Variants in CCSER1 observed in about 807,000 individuals in gnomAD.
CCSER1 encodes serine-rich coiled-coil domain-containing protein 1.
Under a neutral mutation model 82.0 loss-of-function variants are expected in CCSER1, and 41 were observed. That is an observed-to-expected ratio of 0.50 (90% CI 0.39 to 0.65). The LOEUF is 0.65. Ranked by LOEUF, CCSER1 falls within the 30% of genes least tolerant of loss-of-function variation. The pLI, the probability that CCSER1 is intolerant of heterozygous loss-of-function variation, is 0.00. For synonymous variants in CCSER1, 414 were observed against 383.9 expected, an observed-to-expected ratio of 1.08 and a Z score of -0.92; for missense variants, 1,119 against 1,064.2, an observed-to-expected ratio of 1.05 and a Z score of -0.72.
intron 1 of CCSER1, among the ~76,000 whole-genome samples, chr4:90,290,621 GTC>G (rs142052761): frequency 3.3e-5 from 5 of 151,264 alleles, no homozygotes; most frequent in Admixed American, 6.6e-5. Context: ...CGGTACAACT[GTC>G]TCTCTCTCTC....
intron 1 of CCSER1, among the ~76,000 whole-genome samples, chr4:90,190,147 C>T (rs1735357110): frequency 6.6e-6 from 1 of 151,978 alleles, no homozygotes; most frequent in African/African-American, 2.4e-5. Context: ...ACAGAAATGC[C>T]ATGTGACTTA....
At chr4:91,171,605 AT>A (rs902932846) in intron 10 of CCSER1, among the ~76,000 whole-genome samples, 4 of 152,172 alleles carry the variant, frequency 2.6e-5, no homozygotes, top group Admixed American at 2.6e-4. Context: ...CTAAACTATT[AT>A]AGTACCCCAG....
At chr4:91,538,421 A>T (rs985597311) in intron 10 of CCSER1, among the ~76,000 whole-genome samples, 2 of 151,648 alleles carry the variant, frequency 1.3e-5, no homozygotes, top group Admixed American at 1.3e-4. Context: ...AAAATAAAAG[A>T]TTTTCTTCAT....
chr4:90,584,417 C>G (rs544278560), intron 5 of CCSER1, among the ~76,000 whole-genome samples: 1 of 152,034 alleles, frequency 6.6e-6, no homozygotes, highest in African/African-American at 2.4e-5. Flanking sequence ...TTCAAGGAAG[C>G]GTAACTCTGA....
intron 3 of CCSER1, among the ~76,000 whole-genome samples, chr4:90,354,441 A>G (rs1262521175): frequency 6.6e-6 from 1 of 152,142 alleles, no homozygotes; most frequent in Admixed American, 6.5e-5. Flanking sequence ...TAATACTGTA[A>G]TGTATAGTTT....
intron 10 of CCSER1, among the ~76,000 whole-genome samples, chr4:91,265,527 A>G (rs925471589): frequency 6.6e-6 from 1 of 152,206 alleles, no homozygotes; most frequent in African/African-American, 2.4e-5. Flanking sequence ...ACTCTAGTTA[A>G]CCTTCTCACT....
At chr4:90,415,663 A>C (rs1480365833) in intron 4 of CCSER1, among the ~76,000 whole-genome samples, 1 of 152,186 alleles carries the variant, frequency 6.6e-6, no homozygotes, top group Non-Finnish European at 1.5e-5. Flanking sequence ...TCTAAATAAG[A>C]ATTTGGGTTT....
chr4:90,255,486 T>C (rs1296844592), intron 1 of CCSER1, among the ~76,000 whole-genome samples: 1 of 152,188 alleles, frequency 6.6e-6, no homozygotes, highest in Non-Finnish European at 1.5e-5. Flanking sequence ...TTATAAATTA[T>C]GGTTATTTTA....
At chr4:90,446,789 A>G (rs1578505359) in intron 4 of CCSER1, among the ~76,000 whole-genome samples, 1 of 152,044 alleles carries the variant, frequency 6.6e-6, no homozygotes, top group South Asian at 2.1e-4. Context: ...TATCCACCTT[A>G]TCCATCCTTG....
At chr4:90,706,474 A>G in intron 6 of CCSER1, among the ~76,000 whole-genome samples, 1 of 152,194 alleles carries the variant, frequency 6.6e-6, no homozygotes, top group African/African-American at 2.4e-5. Context: ...TAAAATTAAG[A>G]TTAAAACAAA....
intron 5 of CCSER1, among the ~76,000 whole-genome samples, chr4:90,494,718 C>T (rs1352381460): frequency 6.6e-6 from 1 of 152,090 alleles, no homozygotes; most frequent in African/African-American, 2.4e-5. Context: ...TTGAAGACTA[C>T]CTATTTTTTG....
At chr4:90,933,530 C>T (rs1455329140) in intron 9 of CCSER1, among the ~76,000 whole-genome samples, 1 of 151,528 alleles carries the variant, frequency 6.6e-6, no homozygotes, top group Non-Finnish European at 1.5e-5. Flanking sequence ...TGCTACAGAC[C>T]CTAATTGAGT....
intron 5 of CCSER1, among the ~76,000 whole-genome samples, chr4:90,476,831 A>G (rs908902372): frequency 5.9e-5 from 9 of 152,060 alleles, no homozygotes; most frequent in Non-Finnish European, 1.2e-4. Flanking sequence ...TAACGTTTGC[A>G]TCTAGTTTGA....
In CCSER1 at chr4:90,923,453, T is replaced by A. The variant is rs1728668018; in HGVS notation, c.2172+6T>A. On this transcript the variant is annotated splice_donor_region_variant and intron_variant, in intron 9 of 10. Transcript: ENST00000509176. Reference sequence around the variant, plus strand: ...CTGAACTACTATGCTATGATGTAAGTAGCTCTGTAAAACCATTTTTAACTT... The same window carrying A: ...CTGAACTACTATGCTATGATGTAAGAAGCTCTGTAAAACCATTTTTAACTT... 6.5e-7 allele frequency: 1 copy of A among 1,545,892 alleles called. No individual in the cohort carries two copies. The highest frequency in any genetic ancestry group is 8.8e-7 in the Non-Finnish European group (1 of 1,141,982).
At chr4:90,298,883 A>G (rs1328537942) in intron 1 of CCSER1, among the ~76,000 whole-genome samples, 2 of 152,040 alleles carry the variant, frequency 1.3e-5, no homozygotes, top group Admixed American at 6.6e-5. Context: ...TTAAACATAA[A>G]TATGCCTCTT....
chr4:90,391,444 G>GTATA (rs770320334), intron 3 of CCSER1, among the ~76,000 whole-genome samples: 1,208 of 37,274 alleles, frequency 0.032, 31 homozygotes, highest in Middle Eastern at 0.083. Context: ...ATATATGGGG[G>GTATA]TATATATATA....
chr4:90,277,074 C>CTT (rs796661106), intron 1 of CCSER1, among the ~76,000 whole-genome samples: 9 of 148,506 alleles, frequency 6.1e-5, no homozygotes, highest in African/African-American at 2.0e-4. Context: ...ATTTGGATGC[C>CTT]TTTTTTTTTT....
intron 4 of CCSER1, among the ~76,000 whole-genome samples, chr4:90,403,498 CAAAAAAAAAAAAAAAA>C (rs753570201): frequency 2.2e-5 from 1 of 46,018 alleles, no homozygotes; most frequent in Non-Finnish European, 4.2e-5. Flanking sequence ...GACTCCGTCT[CAAAAAAAAAAAAAAAA>C]AAAAAAGAAA....
At chr4:91,324,100 C>G (rs947763871) in intron 10 of CCSER1, among the ~76,000 whole-genome samples, 1 of 152,112 alleles carries the variant, frequency 6.6e-6, no homozygotes, top group Non-Finnish European at 1.5e-5. Flanking sequence ...GTAATTTAAT[C>G]AAATCTTACT....
Sources: allele counts gnomAD v4.1 joint callset (sites outside exome capture counted in the v4.1 genomes callset), GRCh38; gene constraint gnomAD v4.1.1; transcripts MANE v1.5; gene names NCBI Gene and HGNC (gene_info 2026-07-23, HGNC 2026-07-21).